CFAP20DC: variants seen among roughly 807,000 people sequenced by gnomAD.
CFAP20DC encodes the protein protein CFAP20DC.
Under a neutral mutation model 101.7 loss-of-function variants are expected in CFAP20DC, and 84 were observed. The observed-to-expected ratio is 0.83, with a 90% CI of 0.69 to 0.99. The LOEUF (loss-of-function observed/expected upper bound fraction) is 0.99, where lower values mean the gene tolerates loss of function less well. CFAP20DC is among the 50% of genes least tolerant of loss of function. The pLI is 0.00. For synonymous variants in CFAP20DC, 359 were observed against 351.2 expected (o/e 1.02, Z -0.25); for missense variants, 1,007 against 970.3 (o/e 1.04, Z -0.50).
In CFAP20DC at chr3:58,717,396, C is replaced by T. The variant is rs533854067; in HGVS notation, c.*192G>A. The T allele has an allele frequency of 1.0e-4, 23 of 220,868 alleles. No individual in the cohort carries two copies. The highest frequency in any genetic ancestry group is 1.2e-3 in the Middle Eastern group (2 of 1,670). 13.7% of individuals were successfully genotyped at this position (220,868 alleles called of 1,614,324 possible). A position where few individuals can be genotyped will look rare whatever the true frequency, so the allele number is the denominator to read the frequency against. On this transcript the variant is annotated 3_prime_UTR_variant, in exon 4 of 4. Transcript: ENST00000486145. The surrounding 1 kb of genome is among the most constrained non-coding windows in gnomAD (Gnocchi z 4.1). ...TGAAAATGAAAATGTAATCTCTTTC[C>T]GCTCAAGTTCATGAAACTCTGAATT...
intron 4 of CFAP20DC, among the ~76,000 whole-genome samples, chr3:58,941,615 C>T (rs927329324): frequency 1.3e-5 from 2 of 151,698 alleles, no homozygotes; most frequent in African/African-American, 4.8e-5. Context: ...GTGGCCCAGG[C>T]TGGAGTGCAG....
intron 16 of CFAP20DC, among the ~76,000 whole-genome samples, chr3:58,751,950 G>A (rs929357130): frequency 2.0e-5 from 3 of 151,940 alleles, no homozygotes; most frequent in Admixed American, 6.6e-5. Context: ...GAATGGTGTC[G>A]TGCAACAAGA....
chr3:59,029,192 A>G (rs79450828), intron 4 of CFAP20DC, among the ~76,000 whole-genome samples: 1 of 152,258 alleles, frequency 6.6e-6, no homozygotes, highest in Non-Finnish European at 1.5e-5. Context: ...CGTATTTCAG[A>G]GCCTATTACG....
rs747851963 is a variant in CFAP20DC at position 58,816,998 on chromosome 3, C to A, written c.2176-10542G>T. Reference sequence around the variant, plus strand: ...TCCCTGGCCCCTGACCCCCGAGCAGCCTAACTGGGAGGCACCCCCCAGCAG... The same window carrying A: ...TCCCTGGCCCCTGACCCCCGAGCAGACTAACTGGGAGGCACCCCCCAGCAG... On this transcript the variant is annotated intron_variant, in intron 14 of 16. Coordinates refer to ENST00000482387, the MANE Select transcript of CFAP20DC (RefSeq NM_001394063.1). Among the ~76,000 whole-genome samples the A allele has an allele frequency of 1.4e-3, 208 of 152,262 alleles. 2 individuals carry two copies. Among genetic ancestry groups the A allele is most frequent in the Middle Eastern group, 3.4e-3 (1 of 294 alleles).
At chr3:58,770,341 G>A (rs984587934) in intron 15 of CFAP20DC, among the ~76,000 whole-genome samples, 13 of 152,138 alleles carry the variant, frequency 8.5e-5, no homozygotes, top group African/African-American at 3.1e-4. Flanking sequence ...CTGTGCTGTT[G>A]CAGACTTTAT....
chr3:58,964,247 T>C lies in CFAP20DC; in HGVS notation c.279-26485A>G, dbSNP rs1009867556. Among the ~76,000 whole-genome samples, 2 of 152,170 alleles carry C rather than the reference T, an allele frequency of 1.3e-5. No individual in the cohort carries two copies. The highest frequency in any genetic ancestry group is 4.8e-5 in the African/African-American group (2 of 41,444). On this transcript the variant is annotated intron_variant, in intron 4 of 16. Coordinates refer to ENST00000482387, the MANE Select transcript of CFAP20DC (RefSeq NM_001394063.1). This position sits in a 1 kb window ranked among gnomAD's most constrained non-coding sequence, Gnocchi z 4.1. ...CTCCTGTTAAGAAGACTACCCACTA[T>C]GGACTGGTTCTGGCCAGTTTAGGGA...
chr3:58,832,086 T>C (rs1006735262), intron 13 of CFAP20DC, among the ~76,000 whole-genome samples, 197 bp from the exon 14 acceptor site: 2 of 151,364 alleles, frequency 1.3e-5, no homozygotes, highest in Non-Finnish European at 2.9e-5. Flanking sequence ...AGCCACTTTG[T>C]CCTTCATTAA....
chr3:58,812,289 A>G (rs963155325), intron 14 of CFAP20DC, among the ~76,000 whole-genome samples: 4 of 152,152 alleles, frequency 2.6e-5, no homozygotes, highest in African/African-American at 9.7e-5. Context: ...ACAATAGCAA[A>G]GACTTGGAAC....
intron 14 of CFAP20DC, among the ~76,000 whole-genome samples, chr3:58,814,149 C>T (rs1264330384): frequency 1.3e-5 from 2 of 151,812 alleles, no homozygotes; most frequent in Admixed American, 6.6e-5. Flanking sequence ...CTCTAAGCAT[C>T]ACAGACCTGA....
At chr3:58,787,986 G>A (rs1375061475) in intron 15 of CFAP20DC, among the ~76,000 whole-genome samples, 2 of 151,818 alleles carry the variant, frequency 1.3e-5, no homozygotes, top group Non-Finnish European at 2.9e-5. Flanking sequence ...GGGGCCTGTT[G>A]GGGGGTGGGG....
At position 58,945,984 on chromosome 3, in the gene CFAP20DC, C is replaced by T. The variant is rs546634220; in HGVS notation, c.279-8222G>A. ...TGCTGGGATTACAGGCATAAGCCAC[C>T]ACGACCAGCCCAAAGTCACTTTCTT... On this transcript the variant is annotated intron_variant, in intron 4 of 16. Transcript: ENST00000482387. 6.7e-4 allele frequency among the ~76,000 whole-genome samples: 102 copies of T among 151,996 alleles called. 4 individuals carry two copies. The South Asian group carries it at 0.02, about 30-fold the overall frequency.
chr3:58,870,660 G>A (rs2080099322), intron 7 of CFAP20DC, among the ~76,000 whole-genome samples: 2 of 149,310 alleles, frequency 1.3e-5, no homozygotes, highest in Non-Finnish European at 1.5e-5. Context: ...AGGCCGAGGC[G>A]GGTGGATCAT....
chr3:59,008,834 C>A (rs1213006206), intron 4 of CFAP20DC, among the ~76,000 whole-genome samples: 1 of 151,796 alleles, frequency 6.6e-6, no homozygotes, highest in Non-Finnish European at 1.5e-5. Context: ...ACATTGTGCA[C>A]ATGTACCCTA....
At chr3:58,789,631 C>T (rs2072681695) in intron 15 of CFAP20DC, among the ~76,000 whole-genome samples, 1 of 152,144 alleles carries the variant, frequency 6.6e-6, no homozygotes, top group Non-Finnish European at 1.5e-5. Context: ...GATTTATTTC[C>T]CAGCATTTTC....
chr3:58,752,855 C>G (rs1248124253), intron 16 of CFAP20DC, among the ~76,000 whole-genome samples: 1 of 152,108 alleles, frequency 6.6e-6, no homozygotes, highest in African/African-American at 2.4e-5. Flanking sequence ...AAAACAAAAC[C>G]TGGCACTTTT....
Position 59,014,017 on chromosome 3 carries a change from A to G in CFAP20DC, c.278+25540T>C, listed in dbSNP as rs1190908509. Reference sequence around the variant, plus strand: ...CACTGTCTTCTACTTCTTGCCACTAAACAACATATCAGCTTGCTTTTCTAC... The same window carrying G: ...CACTGTCTTCTACTTCTTGCCACTAGACAACATATCAGCTTGCTTTTCTAC... On this transcript the variant is annotated intron_variant, in intron 4 of 16. Transcript: ENST00000482387. This position sits in a 1 kb window ranked among gnomAD's most constrained non-coding sequence, Gnocchi z 4.9. Among the ~76,000 whole-genome samples the G allele has an allele frequency of 1.3e-5, 2 of 152,188 alleles. No individual in the cohort carries two copies. The highest frequency in any genetic ancestry group is 2.4e-5 in the African/African-American group (1 of 41,446).
intron 5 of CFAP20DC, among the ~76,000 whole-genome samples, chr3:58,932,897 T>C (rs2086925060): frequency 6.6e-6 from 1 of 152,188 alleles, no homozygotes; most frequent in African/African-American, 2.4e-5. Flanking sequence ...AACATCATAA[T>C]GACAGGATCA....
intron 4 of CFAP20DC, among the ~76,000 whole-genome samples, chr3:58,955,146 C>T (rs930503028): frequency 2.0e-5 from 3 of 151,990 alleles, no homozygotes; most frequent in African/African-American, 7.3e-5. Flanking sequence ...CAAAAAGATC[C>T]CTTAGACCAA....
At chr3:58,808,257 A>C (rs926546438) in intron 14 of CFAP20DC, among the ~76,000 whole-genome samples, 8 of 152,204 alleles carry the variant, frequency 5.3e-5, no homozygotes, top group Admixed American at 6.5e-5. Flanking sequence ...CAAGACACAT[A>C]ATTGTCAGAT....
Sources: gnomAD v4.1 joint callset for allele counts (sites outside exome capture counted in the v4.1 genomes callset) on GRCh38, gnomAD v4.1.1 for gene constraint, Gnocchi (gnomAD v3.1) non-coding constraint, MANE v1.5 for transcripts, NCBI Gene and HGNC (gene_info 2026-07-23, HGNC 2026-07-21) for gene names.